The following ANKAR variants were observed in gnomAD, a reference collection of about 807,000 sequenced individuals.
ANKAR encodes ankyrin and armadillo repeat containing.
A neutral mutation model predicts 146.2 loss-of-function variants in ANKAR; 136 were observed. That is an observed-to-expected ratio of 0.93 (90% CI 0.81 to 1.07). ANKAR has a LOEUF of 1.07. Among genes scored for constraint, ANKAR ranks in the 50% least tolerant of loss-of-function variants. ANKAR has a pLI of 0.00. For missense variants in ANKAR, 1,567 were observed against 1,679.9 expected, an observed-to-expected ratio of 0.93 and a Z score of 1.18; for synonymous variants, 500 against 575.8, an observed-to-expected ratio of 0.87 and a Z score of 1.88.
intron 18 of ANKAR, chr2:189,754,950 C>T: frequency 1.9e-6 from 1 of 537,554 alleles, no homozygotes; most frequent in East Asian, 3.5e-5. Flanking sequence ...CTATTTCAGC[C>T]TTTATGTACA....
chr2:189,713,466 G>T (rs966587323), intron 10 of ANKAR, among the ~76,000 whole-genome samples: 2 of 151,848 alleles, frequency 1.3e-5, no homozygotes, highest in Non-Finnish European at 2.9e-5. Flanking sequence ...CCAATATTCA[G>T]CATTCTTAAA....
chr2:189,755,339 A>G (rs773154409), intron 18 of ANKAR: 1 of 1,613,576 alleles, frequency 6.2e-7, no homozygotes. Context: ...ATGAGCCTCC[A>G]TATGATGAAT....
Position 189,705,114 on chromosome 2 carries a change from A to G in ANKAR, c.1800A>G (p.Glu600=), listed in dbSNP as rs375749951. The G allele has an allele frequency of 4.3e-6, 7 of 1,614,118 alleles. No individual in the cohort carries two copies. The South Asian group carries it at 5.5e-5, about 13-fold the overall frequency. The change falls in exon 8 of 23, where the codon GAA becomes GAG. Residue 600 remains glutamate (E), a synonymous_variant. Transcript: ENST00000684021. ...LCSKADYTLS[E]KRGWMPIHFA... is the part of the protein sequence containing the mutation. Reference sequence around the variant, plus strand: ...CCAAAGCTGATTACACGCTTTCTGAAAAAAGAGGCTGGATGCCGATTCACT... The same window carrying G: ...CCAAAGCTGATTACACGCTTTCTGAGAAAAGAGGCTGGATGCCGATTCACT...
chr2:189,711,400 TAA>T (rs1180922368), intron 10 of ANKAR, among the ~76,000 whole-genome samples: 2 of 152,216 alleles, frequency 1.3e-5, no homozygotes, highest in East Asian at 1.9e-4. Context: ...AAAATAATGT[TAA>T]GTGTTAATTT....
At chr2:189,756,192 G>A (rs1256113096) in intron 18 of ANKAR, among the ~76,000 whole-genome samples, 1 of 152,188 alleles carries the variant, frequency 6.6e-6, no homozygotes, top group Non-Finnish European at 1.5e-5. Context: ...CAGGATAGCA[G>A]ATAGCTTGCA....
At chr2:189,719,910 A>G in intron 11 of ANKAR, 97 bp downstream of exon 11, 1 of 1,278,312 alleles carries the variant, frequency 7.8e-7, no homozygotes, top group Non-Finnish European at 1.0e-6. Flanking sequence ...CAGTGACAAA[A>G]CTCTCAGGGA....
chr2:189,728,237 A>C, intron 13 of ANKAR, 30 bp from the exon 14 acceptor site: 1 of 1,564,744 alleles, frequency 6.4e-7, no homozygotes, highest in Non-Finnish European at 8.6e-7. Context: ...ATAAATGTTC[A>C]CTGAATTAAT....
chr2:189,728,647 T>C lies in ANKAR; in HGVS notation c.3032-13T>C. 6.2e-7 allele frequency: 1 copy of C among 1,612,074 alleles called. No homozygotes were observed. Among genetic ancestry groups the C allele is most frequent in the Non-Finnish European group, 8.5e-7 (1 of 1,178,940 alleles). On this transcript the variant is annotated splice_polypyrimidine_tract_variant and intron_variant, in intron 14 of 22. Coordinates refer to ENST00000684021, the MANE Select transcript of ANKAR (RefSeq NM_001378068.1). ...CTGGAGTATCATACATGTATCTTGCTTTTCTTTATCAGGAGGTGAAGCTGT... is the reference window on the plus strand; with the variant it reads ...CTGGAGTATCATACATGTATCTTGCCTTTCTTTATCAGGAGGTGAAGCTGT...
intron 18 of ANKAR, among the ~76,000 whole-genome samples, chr2:189,759,438 G>C (rs573273260): frequency 2.6e-5 from 4 of 152,258 alleles, no homozygotes; most frequent in Non-Finnish European, 5.9e-5. Flanking sequence ...TTTTAGTAGA[G>C]ATGGGGTTTC....
chr2:189,725,322 A>G (rs1017268088), intron 12 of ANKAR, among the ~76,000 whole-genome samples: 7 of 150,680 alleles, frequency 4.6e-5, no homozygotes, highest in Admixed American at 3.3e-4. Context: ...ACACATATAT[A>G]TGATCCAGAA....
In ANKAR at chr2:189,710,070, G is replaced by GA. The variant is rs2039487940; in HGVS notation, c.2120-974dup. On this transcript the variant is annotated intron_variant, in intron 9 of 22. Transcript: ENST00000684021. ...CTGCCCATTTCCACTACGCATAAAA[G>GA]AAAAATCAGTTTATTAGAGGTCTCA... Among the ~76,000 whole-genome samples, 5 of 152,138 alleles carry GA rather than the reference G, an allele frequency of 3.3e-5. No individual in the cohort carries two copies. The South Asian group carries it at 1.0e-3, about 31-fold the overall frequency.
intron 10 of ANKAR, among the ~76,000 whole-genome samples, chr2:189,711,926 C>T (rs2039747223): frequency 6.6e-6 from 1 of 152,220 alleles, no homozygotes; most frequent in South Asian, 2.1e-4. Context: ...TAGCAAATGG[C>T]ACACCAGGAG....
chr2:189,710,150 A>C (rs1374057979), intron 9 of ANKAR, among the ~76,000 whole-genome samples: 1 of 152,230 alleles, frequency 6.6e-6, no homozygotes, highest in Admixed American at 6.5e-5. Context: ...ACGGAATGAT[A>C]TAGCCAAGCT....
intron 3 of ANKAR, among the ~76,000 whole-genome samples, chr2:189,690,718 A>T (rs1040465580): frequency 1.3e-5 from 2 of 152,196 alleles, no homozygotes; most frequent in African/African-American, 4.8e-5. Context: ...GAAAGTTTGT[A>T]TCATGAGAAT....
chr2:189,738,449 C>A, intron 18 of ANKAR, 116 bp from the exon 19 acceptor site: 1 of 651,608 alleles, frequency 1.5e-6, no homozygotes. Flanking sequence ...CCTCTAAACA[C>A]TCCCTTTAAG....
chr2:189,719,877 A>T (rs2041025639), intron 11 of ANKAR, 64 bp downstream of exon 11: 1 of 1,442,718 alleles, frequency 6.9e-7, no homozygotes, highest in African/African-American at 1.4e-5. Context: ...GAAGTTACAA[A>T]AATAGAAACC....
In ANKAR at chr2:189,719,583, G is replaced by C. The variant is rs1186165968; in HGVS notation, c.2236G>C (p.Ala746Pro). 3 of 1,609,032 alleles carry C rather than the reference G, an allele frequency of 1.9e-6. No homozygotes were observed. In the South Asian group the frequency reaches 3.3e-5, roughly 18 times the overall value. ...RCILDAGTIPALINLLKSSKI... is the reference protein window; with the variant it reads ...RCILDAGTIPPLINLLKSSKI... ...TCTTGTCATTACAGGCACCATTCCTGCCTTAATCAATCTATTAAAAAGTTC... is the reference window on the plus strand; with the variant it reads ...TCTTGTCATTACAGGCACCATTCCTCCCTTAATCAATCTATTAAAAAGTTC... The change falls in exon 11 of 23, where the codon GCC becomes CCC. Residue 746 changes from alanine (A) to proline (P), a missense_variant. Ala to Pro is a conservative substitution (Grantham distance 27). Transcript: ENST00000684021.
chr2:189,676,641 C>G lies in ANKAR; in HGVS notation c.151C>G (p.Leu51Val), dbSNP rs1439741079. The G allele has an allele frequency of 1.2e-6, 2 of 1,613,984 alleles. No homozygotes were observed. The highest frequency in any genetic ancestry group is 3.3e-5 in the Admixed American group (2 of 60,018). ...AATACAAGAGTTACTAACTACTGCA[C>G]TAGTTAGCTGGTTGTCTGCCAAAGA... ...SEIQELLTTA[L>V]VSWLSAKEDV... is the part of the protein sequence containing the mutation. Residue 51 changes from leucine (L) to valine (V), a missense_variant, in exon 2 of 23, where the codon CTA becomes GTA. Transcript: ENST00000684021.
chr2:189,685,985 C>T (rs2035526722), intron 2 of ANKAR, among the ~76,000 whole-genome samples: 1 of 152,148 alleles, frequency 6.6e-6, no homozygotes, highest in Non-Finnish European at 1.5e-5. Flanking sequence ...ACAGCCTCCA[C>T]ATAATGCTTT....
Sources: gnomAD v4.1 joint callset for allele counts (sites outside exome capture counted in the v4.1 genomes callset) on GRCh38, gnomAD v4.1.1 for gene constraint, MANE v1.5 for transcripts, NCBI Gene and HGNC (gene_info 2026-07-23, HGNC 2026-07-21) for gene names.